Variants in CEP63 observed in about 807,000 individuals in gnomAD.
CEP63 encodes the protein centrosomal protein 63.
Under a neutral mutation model 89.1 loss-of-function variants are expected in CEP63, and 84 were observed. The ratio of observed to expected loss-of-function variants is 0.94; its 90% CI spans 0.79 to 1.13. The LOEUF (loss-of-function observed/expected upper bound fraction) is 1.13. Among genes scored for constraint, CEP63 ranks in the 50% most tolerant of loss-of-function variants. The pLI, the probability that CEP63 is intolerant of heterozygous loss-of-function variation, is 0.00. For missense variants in CEP63, 838 were observed against 813.3 expected, an observed-to-expected ratio of 1.03 and a Z score of -0.37; for synonymous variants, 267 against 272.5, an observed-to-expected ratio of 0.98 and a Z score of 0.20.
intron 3 of CEP63, among the ~76,000 whole-genome samples, chr3:134,529,050 C>A (rs577095774): frequency 6.6e-6 from 1 of 152,170 alleles, no homozygotes; most frequent in Admixed American, 6.5e-5. Flanking sequence ...AATCATAATA[C>A]CTTGAATCAG....
At chr3:134,653,927 G>A in the CEP63 span, among the ~76,000 whole-genome samples, 52 of 152,242 alleles carry the variant, frequency 3.4e-4, 1 homozygote, top group East Asian at 6.0e-3. Flanking sequence ...AAGATGCAAG[G>A]CTCTCTGTAT....
At chr3:134,655,362 AC>A in the CEP63 span, among the ~76,000 whole-genome samples, 1 of 152,204 alleles carries the variant, frequency 6.6e-6, no homozygotes, top group African/African-American at 2.4e-5. Context: ...TCCTTGAAGA[AC>A]TGATGTCAGA....
the CEP63 span, among the ~76,000 whole-genome samples, chr3:134,762,449 A>C: frequency 6.6e-6 from 1 of 152,186 alleles, no homozygotes; most frequent in African/African-American, 2.4e-5. Context: ...TCGTATGTTG[A>C]AGTCCTAACA....
rs1285701073 is a variant in CEP63 at position 134,584,305 on chromosome 3, C to A, written c.1207-3153C>A. Among the ~76,000 whole-genome samples, 3 of 152,146 alleles carry A rather than the reference C, an allele frequency of 2.0e-5. No homozygotes were observed. In the East Asian group the frequency reaches 5.8e-4, roughly 29 times the overall value. ...TTTTGCCCATTCAGTATGGTATCGG[C>A]TGTGGGTTTCTCATAAATAGCTCTT... On this transcript the variant is annotated intron_variant, in intron 10 of 10. Transcript: ENST00000683931.
chr3:134,720,960 G>C, the CEP63 span, among the ~76,000 whole-genome samples: 2 of 151,990 alleles, frequency 1.3e-5, no homozygotes, highest in African/African-American at 2.4e-5. Context: ...GCTATTTTGC[G>C]TCTCTAAAAT....
intron 1 of CEP63, among the ~76,000 whole-genome samples, chr3:134,490,293 A>G (rs1470545298): frequency 5.9e-5 from 9 of 152,110 alleles, no homozygotes; most frequent in Admixed American, 2.0e-4. Context: ...TTATGTTTGT[A>G]TCTTTTTTGC....
At chr3:134,500,849 C>T (rs1360470682) in intron 2 of CEP63, among the ~76,000 whole-genome samples, 1 of 151,940 alleles carries the variant, frequency 6.6e-6, no homozygotes, top group Non-Finnish European at 1.5e-5. Flanking sequence ...TCCCAATTGT[C>T]AATTTTTGTT....
the CEP63 span, among the ~76,000 whole-genome samples, chr3:134,631,274 T>C: frequency 6.6e-6 from 1 of 152,096 alleles, no homozygotes; most frequent in African/African-American, 2.4e-5. Flanking sequence ...AAAATCCAAG[T>C]CCAGACACAT....
At chr3:134,620,872 G>T in the CEP63 span, 14 of 1,565,666 alleles carry the variant, frequency 8.9e-6, no homozygotes, top group Non-Finnish European at 1.2e-5. Flanking sequence ...GGAGCAGGAA[G>T]GGTGTGCTGT....
the CEP63 span, chr3:134,603,352 T>A: frequency 1.5e-5 from 7 of 471,274 alleles, no homozygotes; most frequent in Non-Finnish European, 2.6e-5. Flanking sequence ...CACCTTTTCC[T>A]TCTAAAGAGC....
the CEP63 span, among the ~76,000 whole-genome samples, chr3:134,634,025 G>GT: frequency 1.3e-5 from 2 of 152,224 alleles, no homozygotes; most frequent in African/African-American, 4.8e-5. Context: ...TAAAATGTTA[G>GT]TTATAAATCT....
the CEP63 span, among the ~76,000 whole-genome samples, chr3:134,619,775 T>G: frequency 6.6e-6 from 1 of 152,204 alleles, no homozygotes; most frequent in East Asian, 1.9e-4. Context: ...TCTCTGTAGC[T>G]ATTGAGGACC....
chr3:134,708,773 T>C, the CEP63 span, among the ~76,000 whole-genome samples: 1 of 152,142 alleles, frequency 6.6e-6, no homozygotes, highest in Non-Finnish European at 1.5e-5. Context: ...ACCTTGATCA[T>C]GGAGGGATGA....
chr3:134,649,067 C>T, the CEP63 span, among the ~76,000 whole-genome samples: 2 of 152,138 alleles, frequency 1.3e-5, no homozygotes, highest in Non-Finnish European at 2.9e-5. Context: ...TCATCTCTGC[C>T]CACCAGGCAT....
chr3:134,627,571 C>T, the CEP63 span, among the ~76,000 whole-genome samples: 2 of 152,130 alleles, frequency 1.3e-5, no homozygotes, highest in Admixed American at 6.5e-5. Flanking sequence ...GAGCTTTTTC[C>T]TTCTCCACCT....
chr3:134,635,830 G>T, the CEP63 span, among the ~76,000 whole-genome samples: 1 of 152,228 alleles, frequency 6.6e-6, no homozygotes, highest in South Asian at 2.1e-4. Flanking sequence ...ACGATATAAA[G>T]CAGAAAGTGA....
At chr3:134,686,598 T>C in the CEP63 span, among the ~76,000 whole-genome samples, 10 of 152,184 alleles carry the variant, frequency 6.6e-5, no homozygotes, top group Non-Finnish European at 1.5e-4. Context: ...GACATAAGCT[T>C]GACTCATCCC....
the CEP63 span, among the ~76,000 whole-genome samples, chr3:134,737,654 T>G: frequency 0.022 from 3,332 of 152,306 alleles, 122 homozygotes; most frequent in African/African-American, 0.076. Context: ...AGGGCTTAGT[T>G]GGGACAGCTT....
chr3:134,645,219 G>A, the CEP63 span, among the ~76,000 whole-genome samples: 2 of 152,220 alleles, frequency 1.3e-5, no homozygotes, highest in Non-Finnish European at 1.5e-5. Context: ...AGCTATTGGG[G>A]TGGGGTAGGA....
Sources: allele counts gnomAD v4.1 joint callset (sites outside exome capture counted in the v4.1 genomes callset), GRCh38; gene constraint gnomAD v4.1.1; transcripts MANE v1.5; gene names NCBI Gene and HGNC (gene_info 2026-07-23, HGNC 2026-07-21).